Variants in KASH5 observed in about 807,000 individuals in gnomAD.
The protein encoded by KASH5 is KASH domain containing 5, also known as protein KASH5.
Under a neutral mutation model 84.2 loss-of-function variants are expected in KASH5, and 72 were observed. The observed-to-expected ratio is 0.85, with a 90% CI of 0.71 to 1.04. The LOEUF (loss-of-function observed/expected upper bound fraction) is 1.04, where lower values mean the gene tolerates loss of function less well. Among genes scored for constraint, KASH5 ranks in the 50% least tolerant of loss-of-function variants. The pLI is 0.00. For missense variants in KASH5, 650 were observed against 701.0 expected (o/e 0.93, Z 0.82); for synonymous variants, 260 against 279.1 (o/e 0.93, Z 0.68).
intron 6 of KASH5, 131 bp from the exon 7 acceptor site, chr19:49,397,851 A>G: frequency 3.5e-6 from 5 of 1,434,248 alleles, no homozygotes; most frequent in Non-Finnish European, 4.8e-6. Flanking sequence ...GTTCAGGGAG[A>G]GCAGAGGAGT....
In KASH5 at chr19:49,396,531, G is replaced by C. The variant is rs897801413; in HGVS notation, c.400+698G>C. ...GGCCTCCCAAAGTGCTGGGATTACAGGCGTGAGCCACTGCGCCAAGCCGTC... is the reference window on the plus strand; with the variant it reads ...GGCCTCCCAAAGTGCTGGGATTACACGCGTGAGCCACTGCGCCAAGCCGTC... On this transcript the variant is annotated intron_variant, in intron 5 of 19. Transcript: ENST00000447857. Among the ~76,000 whole-genome samples the C allele has an allele frequency of 2.0e-5, 3 of 152,190 alleles. 1 individual carries two copies. In the South Asian group the frequency reaches 6.2e-4, roughly 31 times the overall value.
intron 9 of KASH5, among the ~76,000 whole-genome samples, chr19:49,401,971 G>A (rs1290608018): frequency 1.3e-5 from 2 of 152,206 alleles, no homozygotes; most frequent in African/African-American, 4.8e-5. Flanking sequence ...GCCAGGCGCA[G>A]TGGCTCACGC....
rs112074780 is a variant in KASH5, at chr19:49,406,882, C to G, written c.799-4C>G. 4.2e-3 allele frequency: 6,660 copies of G among 1,603,574 alleles called. 81 individuals carry two copies. Among genetic ancestry groups the G allele is most frequent in the African/African-American group, 0.031 (2,323 of 74,810 alleles). ...TGAACGTGACCAGCCATTCCTTCTTCTAGAACGGGAAGCTGCTTGCCGAGC... is the reference window on the plus strand; with the variant it reads ...TGAACGTGACCAGCCATTCCTTCTTGTAGAACGGGAAGCTGCTTGCCGAGC... On this transcript the variant is annotated splice_polypyrimidine_tract_variant and splice_region_variant and intron_variant, in intron 9 of 19. Transcript: ENST00000447857.
rs377690962 is a variant in KASH5 at position 49,395,220 on chromosome 19, C to T, written c.263C>T (p.Pro88Leu). The change falls in exon 4 of 20, where the codon CCT becomes CTT. Residue 88 changes from proline (P) to leucine (L), a missense_variant. By Grantham distance (98) the Pro-to-Leu change is moderately conservative. Transcript: ENST00000447857. The surrounding 1 kb of genome is among the most constrained non-coding windows in gnomAD (Gnocchi z 4.4). The stretch of plus-strand genomic sequence containing the variant: ...AGCCTGGACCCCAATGGGGAGGGCC[C>T]TAAGGCCACTGTGGACTTGGACACT... Reference protein sequence around the residue: ...ANSLDPNGEGPKATVDLDTFL... With the variant: ...ANSLDPNGEGLKATVDLDTFL... 3.5e-5 allele frequency: 57 copies of T among 1,612,682 alleles called. No homozygotes were observed. Among genetic ancestry groups the T allele is most frequent in the Non-Finnish European group, 3.7e-5 (44 of 1,179,442 alleles).
At chr19:49,388,768 A>T (rs1973895731) in intron 1 of KASH5, among the ~76,000 whole-genome samples, 1 of 151,678 alleles carries the variant, frequency 6.6e-6, no homozygotes, top group South Asian at 2.1e-4. Flanking sequence ...CTTATAGTTG[A>T]CCCCCGAAAT....
chr19:49,400,756 A>G (rs776269664), intron 9 of KASH5, among the ~76,000 whole-genome samples: 7 of 152,192 alleles, frequency 4.6e-5, no homozygotes, highest in African/African-American at 4.8e-5. Context: ...GATTGACAGC[A>G]TTTCACTGAG....
Position 49,395,741 on chromosome 19 carries a change from G to A in KASH5, c.336-28G>A. 6.5e-7 allele frequency: 1 copy of A among 1,549,880 alleles called. No homozygotes were observed. Among genetic ancestry groups the A allele is most frequent in the Non-Finnish European group, 8.7e-7 (1 of 1,146,856 alleles). ...GAGGACTGAGGGGCAGCTACAGTGG[G>A]GCGCTAAGCCTCATCCCTTTGATAC... On this transcript the variant is annotated intron_variant, in intron 4 of 19. Transcript: ENST00000447857. This position sits in a 1 kb window ranked among gnomAD's most constrained non-coding sequence, Gnocchi z 4.4.
At chr19:49,405,697 C>G (rs1262456204) in intron 9 of KASH5, among the ~76,000 whole-genome samples, 1 of 151,928 alleles carries the variant, frequency 6.6e-6, no homozygotes, top group African/African-American at 2.4e-5. Context: ...TGGCTCACAC[C>G]TGTAGTCCCA....
intron 1 of KASH5, among the ~76,000 whole-genome samples, chr19:49,388,871 A>G (rs866073835): frequency 1.3e-5 from 2 of 152,016 alleles, no homozygotes; most frequent in African/African-American, 4.8e-5. Context: ...AGATCAGCAG[A>G]GCCACCTAGA....
intron 1 of KASH5, chr19:49,390,358 G>A (rs1054126787): frequency 5.2e-5 from 8 of 154,520 alleles, no homozygotes; most frequent in African/African-American, 1.9e-4. Flanking sequence ...CAGCCATGCA[G>A]GGCCTTGGCG....
intron 10 of KASH5, 137 bp downstream of exon 10, chr19:49,407,100 C>A: frequency 7.9e-7 from 1 of 1,265,650 alleles, no homozygotes; most frequent in Non-Finnish European, 1.1e-6. Flanking sequence ...ACCCAGGCAT[C>A]CCTAAAATCC....
At position 49,416,262 on chromosome 19, in the gene KASH5, G is replaced by A. The variant is rs766791793; in HGVS notation, c.1375-753G>A. 6.6e-6 allele frequency among the ~76,000 whole-genome samples: 1 copy of A among 152,064 alleles called. No individual in the cohort carries two copies. Among genetic ancestry groups the A allele is most frequent in the African/African-American group, 2.4e-5 (1 of 41,398 alleles). ...GGCTGGAGTGCAGTGGTGCGATCTC[G>A]GCTCACTGCAAGCTCCACCTCCCAG... is the stretch of plus-strand genomic sequence containing the variant. On this transcript the variant is annotated intron_variant, in intron 17 of 19. Transcript: ENST00000447857. The surrounding 1 kb of genome is among the most constrained non-coding windows in gnomAD (Gnocchi z 5.4).
chr19:49,406,990 AC>A, intron 10 of KASH5, 27 bp downstream of exon 10: 2 of 1,558,830 alleles, frequency 1.3e-6, no homozygotes, highest in Non-Finnish European at 1.7e-6. Flanking sequence ...GTGCCTGACA[AC>A]TTTCCACCAC....
rs562232016 is a variant in KASH5, at chr19:49,406,940, G to A, written c.853G>A (p.Ala285Thr). The stretch of plus-strand genomic sequence containing the variant: ...AGTGAAAAAGAGAAGTCAGGAGCTG[G>A]CCATGGAGAAGGACACTTTGAAGGT... Reference protein sequence around the residue: ...DGVKKRSQELAMEKDTLKRQL... With the variant: ...DGVKKRSQELTMEKDTLKRQL... Residue 285 changes from alanine (A) to threonine (T), a missense_variant, in exon 10 of 20, where the codon GCC (alanine) becomes ACC (threonine). Ala to Thr is a moderately conservative substitution (Grantham distance 58). Coordinates refer to ENST00000447857, the MANE Select transcript of KASH5 (RefSeq NM_144688.5). 7 of 1,599,956 alleles carry A rather than the reference G, an allele frequency of 4.4e-6. No homozygotes were observed. The East Asian group carries it at 1.4e-4, about 31-fold the overall frequency.
At chr19:49,408,529 A>G (rs866067883) in intron 12 of KASH5, among the ~76,000 whole-genome samples, 100 of 150,174 alleles carry the variant, frequency 6.7e-4, no homozygotes, top group African/African-American at 2.3e-3. Flanking sequence ...GCTCACTGCA[A>G]CCTCCACCTC....
In KASH5 at chr19:49,417,426, G is replaced by A; in HGVS notation, c.1605G>A (p.Leu535=). The change falls in exon 20 of 20, where the codon CTG becomes CTA. Residue 535 remains leucine, a synonymous_variant. Transcript: ENST00000447857. This position sits in a 1 kb window ranked among gnomAD's most constrained non-coding sequence, Gnocchi z 5.2. ...APVLGLLLLL[L]LSVLLLGPSP... The stretch of plus-strand genomic sequence containing the variant: ...TCCTGGGCCTGCTGCTGCTGCTGCT[G>A]CTCTCTGTCCTGCTGCTTGGCCCGT... 1 of 1,555,406 alleles carries A rather than the reference G, an allele frequency of 6.4e-7. No individual in the cohort carries two copies. The highest frequency in any genetic ancestry group is 8.7e-7 in the Non-Finnish European group (1 of 1,149,476).
At chr19:49,390,746 T>G in intron 1 of KASH5, 43 bp from the exon 2 acceptor site, 1 of 969,564 alleles carries the variant, frequency 1.0e-6, no homozygotes, top group African/African-American at 1.8e-5. Flanking sequence ...CCCCGACCCT[T>G]GGTGGCTGCT....
In KASH5 at chr19:49,396,243, CTTTT is replaced by C. The variant is rs869199643; in HGVS notation, c.400+434_400+437del. On this transcript the variant is annotated intron_variant, in intron 5 of 19. Coordinates refer to ENST00000447857, the MANE Select transcript of KASH5 (RefSeq NM_144688.5). Reference sequence around the variant, plus strand: ...ACTCCTTGCTCCCCACCCTGCTGGACTTTTTTTTTTTTTTTTTTTTTTTTTTTGA... The same window carrying C: ...ACTCCTTGCTCCCCACCCTGCTGGACTTTTTTTTTTTTTTTTTTTTTTTGA... Among the ~76,000 whole-genome samples the C allele has an allele frequency of 5.6e-5, 2 of 35,880 alleles. 1 individual carries two copies. Among genetic ancestry groups the C allele is most frequent in the African/African-American group, 1.4e-4 (2 of 14,150 alleles). The allele number at this position is 35,880 out of a possible 152,430, so 23.5% of individuals were successfully genotyped here.
chr19:49,399,101 G>C lies in KASH5; in HGVS notation c.706G>C (p.Glu236Gln), dbSNP rs1974280313. Residue 236 changes from glutamate to glutamine, a missense_variant, in exon 8 of 20, where the codon GAG becomes CAG. By Grantham distance (29) the Glu-to-Gln change is conservative. Transcript: ENST00000447857. This position sits in a 1 kb window ranked among gnomAD's most constrained non-coding sequence, Gnocchi z 4.4. ...CCTGAAGACTCTGGCCAGGAGCCTG[G>C]AGGAACAGAATCGCAGCCTTCTGGC... ...EDLKTLARSL[E>Q]EQNRSLLAQA... The C allele has an allele frequency of 3.2e-6, 5 of 1,551,598 alleles. No individual in the cohort carries two copies. The highest frequency in any genetic ancestry group is 4.9e-5 in the East Asian group (2 of 40,940).
Sources: gnomAD v4.1 joint callset for allele counts (sites outside exome capture counted in the v4.1 genomes callset) on GRCh38, gnomAD v4.1.1 for gene constraint, Gnocchi (gnomAD v3.1) non-coding constraint, MANE v1.5 for transcripts, NCBI Gene and HGNC (gene_info 2026-07-23, HGNC 2026-07-21) for gene names.